The following GTPBP3 variants were observed in gnomAD, a reference collection of about 807,000 sequenced individuals.
GTPBP3 encodes the protein 5-taurinomethyluridine-[tRNA] synthase subunit GTPB3, mitochondrial.
Under a neutral mutation model 42.0 loss-of-function variants are expected in GTPBP3, and 35 were observed. The ratio of observed to expected loss-of-function variants is 0.83; its 90% CI spans 0.64 to 1.10. The LOEUF (loss-of-function observed/expected upper bound fraction) is 1.10. Among genes scored for constraint, GTPBP3 ranks in the 50% least tolerant of loss-of-function variants. The pLI is 0.00. For synonymous variants in GTPBP3, 332 were observed against 314.9 expected (o/e 1.05, Z -0.58); for missense variants, 691 against 685.2 (o/e 1.01, Z -0.09).
At chr19:17,339,338 T>C (rs1568366972) in intron 6 of GTPBP3, 72 bp downstream of exon 6, 1 of 1,580,274 alleles carries the variant, frequency 6.3e-7, no homozygotes, top group Non-Finnish European at 8.6e-7. Context: ...ATTGAGTTAG[T>C]TGTTCAGGTC....
upstream of GTPBP3, chr19:17,335,184 A>G (rs928618964): frequency 7.8e-6 from 12 of 1,532,612 alleles, no homozygotes; most frequent in African/African-American, 8.2e-5. Context: ...CCTGGTGACA[A>G]TAACTTCAAC....
chr19:17,337,472 A>C (rs2074377766), upstream of GTPBP3: 1 of 1,251,000 alleles, frequency 8.0e-7, no homozygotes, highest in South Asian at 4.0e-5. Flanking sequence ...GACGGTGGGC[A>C]GGACGTATCC....
At position 17,338,132 on chromosome 19, in the gene GTPBP3, C is replaced by T. The variant is rs560083256; in HGVS notation, c.178C>T (p.His60Tyr). The T allele has an allele frequency of 3.4e-5, 54 of 1,596,390 alleles. No homozygotes were observed. In the African/African-American group the frequency reaches 6.9e-4, roughly 21 times the overall value. Residue 60 changes from histidine to tyrosine, a missense_variant, in exon 2 of 9, where the codon CAC becomes TAC. Transcript: ENST00000324894. ...CCGGACCAGCGGCCCCGCCAGCGGC[C>T]ACGCCCTCCGAATTCTCACAGCACC... ...VIRTSGPASG[H>Y]ALRILTAPRD...
chr19:17,340,936 G>A (rs993846552), intron 7 of GTPBP3, 108 bp from the exon 8 acceptor site: 2 of 1,226,886 alleles, frequency 1.6e-6, no homozygotes, highest in African/African-American at 3.1e-5. Flanking sequence ...CCGACCTCAC[G>A]CTTCGCAGCT....
At chr19:17,340,141 T>G (rs1455011662) in intron 7 of GTPBP3, among the ~76,000 whole-genome samples, 1 of 152,068 alleles carries the variant, frequency 6.6e-6, no homozygotes, top group Admixed American at 6.6e-5. Flanking sequence ...TTCAAGTGAT[T>G]CTTCTGCCTG....
chr19:17,340,979 C>T (rs1018519058), intron 7 of GTPBP3, 65 bp from the exon 8 acceptor site: 1 of 1,555,502 alleles, frequency 6.4e-7, no homozygotes. Context: ...CTCTAACTGT[C>T]CCTCCACCCA....
At chr19:17,339,626 G>T (rs779329400) in intron 7 of GTPBP3, 27 bp downstream of exon 7, 2 of 1,563,234 alleles carry the variant, frequency 1.3e-6, no homozygotes, top group Non-Finnish European at 1.7e-6. Context: ...GTGATGGGAG[G>T]GGAACGCGGG....
At chr19:17,335,182 C>T (rs2074356430), upstream of GTPBP3, 1 of 1,532,290 alleles carries the variant, frequency 6.5e-7, no homozygotes, top group South Asian at 1.2e-5. Context: ...TTCCTGGTGA[C>T]AATAACTTCA....
At chr19:17,338,495 C>A in intron 3 of GTPBP3, 44 bp downstream of exon 3, 16 of 1,612,930 alleles carry the variant, frequency 9.9e-6, no homozygotes, top group Non-Finnish European at 1.4e-5. Flanking sequence ...TCCCAATGGG[C>A]CTGGGTGGGG....
Position 17,338,004 on chromosome 19 carries a change from C to A in GTPBP3, c.54-4C>A. Reference sequence around the variant, plus strand: ...GCGCTGATTCGCCTCCCCTCCGGTTCCAGATTGTGCACGCGCCGGAGCAGC... The same window carrying A: ...GCGCTGATTCGCCTCCCCTCCGGTTACAGATTGTGCACGCGCCGGAGCAGC... On this transcript the variant is annotated splice_region_variant and splice_polypyrimidine_tract_variant and intron_variant, in intron 1 of 8. Transcript: ENST00000324894. 6.3e-7 allele frequency: 1 copy of A among 1,597,350 alleles called. No homozygotes were observed. The highest frequency in any genetic ancestry group is 1.1e-5 in the South Asian group (1 of 90,926).
At chr19:17,340,935 C>G (rs2074423935) in intron 7 of GTPBP3, 109 bp from the exon 8 acceptor site, 2 of 1,285,322 alleles carry the variant, frequency 1.6e-6, no homozygotes, top group Non-Finnish European at 2.1e-6. Flanking sequence ...CCCGACCTCA[C>G]GCTTCGCAGC....
Position 17,339,258 on chromosome 19 carries a change from AC to A in GTPBP3, c.802del (p.Leu268CysfsTer34), listed in dbSNP as rs1273092523. 1.9e-5 allele frequency: 30 copies of A among 1,604,348 alleles called. No homozygotes were observed. The highest frequency in any genetic ancestry group is 2.5e-5 in the Non-Finnish European group (29 of 1,175,838). On this transcript the variant is annotated frameshift_variant, in exon 6 of 9. Transcript: ENST00000324894. LOFTEE classifies it high-confidence loss of function. Reference sequence around the variant, plus strand: ...AATGCGGGCAAGAGCAGCCTAGTGAACCTGCTCAGTGAGTAGGCGGCGGGAA... The same window carrying A: ...AATGCGGGCAAGAGCAGCCTAGTGAACTGCTCAGTGAGTAGGCGGCGGGAA... Reference protein sequence around the residue: ...PPNAGKSSLVNLLSRKPVSIV... With the variant: ...PPNAGKSSLVXLLSRKPVSIV...
chr19:17,340,540 C>T (rs566195512), intron 7 of GTPBP3, among the ~76,000 whole-genome samples: 2 of 151,510 alleles, frequency 1.3e-5, no homozygotes, highest in African/African-American at 2.4e-5. Flanking sequence ...GCTCTCTACC[C>T]CTTACCCTGT....
rs1193149823 is a variant in GTPBP3, at chr19:17,339,060, C to T, written c.664+34C>T. On this transcript the variant is annotated intron_variant, in intron 5 of 8. Transcript: ENST00000324894. ...ACCTGGTGGTGGGGGAGGAAGACACCTCATATCAGCCCTCAAAGGCTCCCC... is the reference window on the plus strand; with the variant it reads ...ACCTGGTGGTGGGGGAGGAAGACACTTCATATCAGCCCTCAAAGGCTCCCC... 1.2e-6 allele frequency: 2 copies of T among 1,614,034 alleles called. No homozygotes were observed. Among genetic ancestry groups the T allele is most frequent in the African/African-American group, 2.7e-5 (2 of 74,924 alleles).
chr19:17,337,438 A>T, upstream of GTPBP3: 2 of 1,214,142 alleles, frequency 1.6e-6, no homozygotes, highest in Non-Finnish European at 2.1e-6. Flanking sequence ...CCCTTGCACC[A>T]GCCAATGGAA....
At position 17,338,729 on chromosome 19, in the gene GTPBP3, G is replaced by C; in HGVS notation, c.579G>C (p.Glu193Asp). Residue 193 changes from glutamate (E) to aspartate (D), a missense_variant, in exon 4 of 9, where the codon GAG (glutamate) becomes GAC (aspartate). Physicochemically the swap from Glu to Asp is conservative, Grantham distance 45 (BLOSUM62 2). Transcript: ENST00000324894. Reference protein sequence around the residue: ...ELGHLCRGWAETLTKALAHVE... With the variant: ...ELGHLCRGWADTLTKALAHVE... ...GCCACCTCTGCCGTGGCTGGGCCGA[G>C]ACCCTCACCAAAGCAAGTCCCCCAT... 6.2e-7 allele frequency: 1 copy of C among 1,609,068 alleles called. No homozygotes were observed.
chr19:17,341,029 A>G lies in GTPBP3; in HGVS notation c.975-15A>G. Reference sequence around the variant, plus strand: ...TCAACCTGGGATCCCCGCTCAGTTGACCTTGCTCCCGCAGGCTAGAGCAGG... The same window carrying G: ...TCAACCTGGGATCCCCGCTCAGTTGGCCTTGCTCCCGCAGGCTAGAGCAGG... On this transcript the variant is annotated splice_polypyrimidine_tract_variant and intron_variant, in intron 7 of 8. Transcript: ENST00000324894. 1 of 1,608,140 alleles carries G rather than the reference A, an allele frequency of 6.2e-7. No homozygotes were observed. Among genetic ancestry groups the G allele is most frequent in the Non-Finnish European group, 8.5e-7 (1 of 1,176,214 alleles).
chr19:17,337,933 C>A, intron 1 of GTPBP3, 75 bp from the exon 2 acceptor site: 1 of 1,549,770 alleles, frequency 6.5e-7, no homozygotes, highest in Non-Finnish European at 8.7e-7. Context: ...ATCTCGCGAT[C>A]ATCGAGCCCT....
In GTPBP3 at chr19:17,339,258, A is replaced by G. The variant is rs949520450; in HGVS notation, c.800A>G (p.Asn267Ser). The G allele has an allele frequency of 6.2e-7, 1 of 1,604,348 alleles. No homozygotes were observed. Among genetic ancestry groups the G allele is most frequent in the Non-Finnish European group, 8.5e-7 (1 of 1,175,838 alleles). ...PPNAGKSSLV[N>S]LLSRKPVSIV... Reference sequence around the variant, plus strand: ...AATGCGGGCAAGAGCAGCCTAGTGAACCTGCTCAGTGAGTAGGCGGCGGGA... The same window carrying G: ...AATGCGGGCAAGAGCAGCCTAGTGAGCCTGCTCAGTGAGTAGGCGGCGGGA... Residue 267 changes from asparagine (N) to serine (S), a missense_variant, in exon 6 of 9, where the codon AAC becomes AGC. By Grantham distance (46) the Asn-to-Ser change is conservative (BLOSUM62 1). Coordinates refer to ENST00000324894, the MANE Select transcript of GTPBP3 (RefSeq NM_032620.4).
Sources: gnomAD v4.1 joint callset for allele counts (sites outside exome capture counted in the v4.1 genomes callset) on GRCh38, gnomAD v4.1.1 for gene constraint, MANE v1.5 for transcripts, NCBI Gene and HGNC (gene_info 2026-07-23, HGNC 2026-07-21) for gene names.